The following MTA1 variants were observed in gnomAD, a reference collection of about 807,000 sequenced individuals.
MTA1 encodes metastasis associated 1, also known as metastasis-associated protein MTA1.
In MTA1, 15 loss-of-function variants were observed where a neutral mutation model predicts 97.0. The observed-to-expected ratio is 0.15, with a 90% CI of 0.10 to 0.24. The LOEUF (loss-of-function observed/expected upper bound fraction) is 0.24, where lower values mean the gene tolerates loss of function less well. MTA1 is among the 10% of genes least tolerant of loss of function. The pLI is 1.00. For synonymous variants in MTA1, 435 were observed against 417.5 expected (o/e 1.04, Z -0.51); for missense variants, 709 against 1,015.1 (o/e 0.70, Z 4.10).
chr14:105,442,523 C>T (rs1555426025), intron 2 of MTA1, among the ~76,000 whole-genome samples: 2 of 152,260 alleles, frequency 1.3e-5, no homozygotes, highest in Non-Finnish European at 2.9e-5. Flanking sequence ...CCATGAAAAA[C>T]TAGGCAAGTG....
At chr14:105,450,219 G>A (rs781958097) in intron 5 of MTA1, 35 bp downstream of exon 5, 3 of 1,611,042 alleles carry the variant, frequency 1.9e-6, no homozygotes, top group Non-Finnish European at 2.5e-6. Flanking sequence ...GGGCCCCTCG[G>A]GCTGCCCTCG....
intron 1 of MTA1, among the ~76,000 whole-genome samples, chr14:105,433,930 C>T (rs1350998196): frequency 2.0e-5 from 3 of 152,100 alleles, no homozygotes; most frequent in Non-Finnish European, 4.4e-5. Context: ...CAGGTTCAAG[C>T]GATTCCCCTG....
intron 1 of MTA1, among the ~76,000 whole-genome samples, chr14:105,430,080 T>C (rs2082135083): frequency 6.6e-6 from 1 of 152,190 alleles, no homozygotes; most frequent in African/African-American, 2.4e-5. Context: ...TTTCAGGAAC[T>C]TTTCCTCTGC....
intron 18 of MTA1, chr14:105,468,197 C>T (rs587725407): frequency 3.6e-5 from 31 of 849,918 alleles, no homozygotes; most frequent in East Asian, 6.4e-5. Context: ...GCCCACAGCA[C>T]GGGGCCCCAG....
At chr14:105,445,191 G>A (rs2082674213) in intron 2 of MTA1, among the ~76,000 whole-genome samples, 1 of 152,222 alleles carries the variant, frequency 6.6e-6, no homozygotes, top group Non-Finnish European at 1.5e-5. Context: ...GGAGACACAG[G>A]TTGAGGTTGG....
intron 2 of MTA1, among the ~76,000 whole-genome samples, chr14:105,440,724 T>G (rs587599326): frequency 6.6e-6 from 1 of 152,384 alleles, no homozygotes; most frequent in East Asian, 1.9e-4. Flanking sequence ...GGGGCACGAC[T>G]ACTCTCTTGG....
At chr14:105,453,552 G>A (rs980545516) in intron 6 of MTA1, among the ~76,000 whole-genome samples, 2 of 152,202 alleles carry the variant, frequency 1.3e-5, no homozygotes, top group South Asian at 4.1e-4. Context: ...GCTGACGCCA[G>A]TAATTCCAGC....
At chr14:105,466,624 G>A (rs782168059) in intron 17 of MTA1, 46 bp downstream of exon 17, 19 of 1,572,194 alleles carry the variant, frequency 1.2e-5, no homozygotes, top group Non-Finnish European at 1.6e-5. Context: ...CCCGCCCGGT[G>A]AGTCCGGCCC....
At chr14:105,434,218 T>C (rs1595292135) in intron 1 of MTA1, among the ~76,000 whole-genome samples, 1 of 152,304 alleles carries the variant, frequency 6.6e-6, no homozygotes, top group Non-Finnish European at 1.5e-5. Context: ...GCCTGGAGTA[T>C]TGACTATCTG....
chr14:105,465,000 C>A, intron 15 of MTA1, 94 bp from the exon 16 acceptor site: 3 of 1,421,680 alleles, frequency 2.1e-6, no homozygotes, highest in Non-Finnish European at 2.8e-6. Context: ...GCTGACATGG[C>A]CGAGCCCAGT....
At chr14:105,428,256 A>G (rs1405156453) in intron 1 of MTA1, among the ~76,000 whole-genome samples, 1 of 152,044 alleles carries the variant, frequency 6.6e-6, no homozygotes, top group Non-Finnish European at 1.5e-5. Flanking sequence ...ATGTGGTAGA[A>G]GTGGAATTGC....
At position 105,469,901 on chromosome 14, in the gene MTA1, CG is replaced by C; in HGVS notation, c.1913del (p.Gly638AlafsTer11). On this transcript the variant is annotated frameshift_variant, in exon 20 of 21. Coordinates refer to ENST00000331320, the MANE Select transcript of MTA1 (RefSeq NM_004689.4). LOFTEE classifies it high-confidence loss of function. The stretch of plus-strand genomic sequence containing the variant: ...CTACCCCACCAAAGTGCGCCTGATC[CG>C]GGGGGGCTCCCTGCCCCCAGTCAAG... ...KSYPTKVRLIRGGSLPPVKRR... is the reference protein window; with the variant it reads ...KSYPTKVRLIXGGSLPPVKRR... 1 of 1,611,478 alleles carries C rather than the reference CG, an allele frequency of 6.2e-7. No homozygotes were observed.
At chr14:105,429,337 G>C (rs987166622) in intron 1 of MTA1, among the ~76,000 whole-genome samples, 1 of 152,190 alleles carries the variant, frequency 6.6e-6, no homozygotes, top group Admixed American at 6.5e-5. Context: ...CCAGGCTGGA[G>C]TGCGGTGGCA....
intron 3 of MTA1, 120 bp downstream of exon 3, chr14:105,445,631 AACTC>A (rs1555426950): frequency 2.0e-6 from 2 of 1,006,434 alleles, no homozygotes; most frequent in Admixed American, 4.0e-5. Flanking sequence ...CCCTCTGCCC[AACTC>A]ACTCTGGCGT....
intron 1 of MTA1, among the ~76,000 whole-genome samples, chr14:105,435,694 C>T (rs587732374): frequency 2.2e-4 from 33 of 152,234 alleles, no homozygotes; most frequent in African/African-American, 6.7e-4. Context: ...GCCATCTGGG[C>T]GCAGAGTTCT....
intron 10 of MTA1, among the ~76,000 whole-genome samples, chr14:105,462,714 C>G (rs1014641449): frequency 2.6e-5 from 4 of 152,060 alleles, no homozygotes; most frequent in Non-Finnish European, 4.4e-5. Flanking sequence ...ACTAAAAATA[C>G]AAAAATTAGC....
chr14:105,453,979 C>T (rs1312655071), intron 6 of MTA1, among the ~76,000 whole-genome samples: 1 of 152,164 alleles, frequency 6.6e-6, no homozygotes, highest in East Asian at 1.9e-4. Context: ...GCAGGTGCAT[C>T]CCCCAGTGAC....
At position 105,460,697 on chromosome 14, in the gene MTA1, G is replaced by C. The variant is rs1595397359; in HGVS notation, c.754-68G>C. 3 of 1,453,672 alleles carry C rather than the reference G, an allele frequency of 2.1e-6. 1 individual carries two copies. Among genetic ancestry groups the C allele is most frequent in the Admixed American group, 2.4e-5 (1 of 41,350 alleles). 90.0% of individuals were successfully genotyped at this position (1,453,672 alleles called of 1,614,324 possible). A position where few individuals can be genotyped will look rare whatever the true frequency, so the allele number is the denominator to read the frequency against. Reference sequence around the variant, plus strand: ...GGGGATCCTTGAGGTACTGAGGGAGGGGGTACCGTGCCACAGGTGCAGGAA... The same window carrying C: ...GGGGATCCTTGAGGTACTGAGGGAGCGGGTACCGTGCCACAGGTGCAGGAA... On this transcript the variant is annotated intron_variant, in intron 9 of 20. Coordinates refer to ENST00000331320, the MANE Select transcript of MTA1 (RefSeq NM_004689.4).
Position 105,463,310 on chromosome 14 carries a change from G to A in MTA1, c.1017+52G>A, listed in dbSNP as rs782572440. ...GGGGTGTGCCGCCTCCCCGTCCTGC[G>A]CCCCATCCTCTCCCAGCAGGTGGGC... is the stretch of plus-strand genomic sequence containing the variant. On this transcript the variant is annotated intron_variant, in intron 11 of 20. Transcript: ENST00000331320. The surrounding 1 kb of genome is among the most constrained non-coding windows in gnomAD (Gnocchi z 5.9). The A allele has an allele frequency of 3.3e-5, 53 of 1,593,252 alleles. No homozygotes were observed. The highest frequency in any genetic ancestry group is 3.3e-4 in the Middle Eastern group (2 of 6,044).
Sources: allele counts gnomAD v4.1 joint callset (sites outside exome capture counted in the v4.1 genomes callset), GRCh38; gene constraint gnomAD v4.1.1; non-coding constraint Gnocchi (gnomAD v3.1); transcripts MANE v1.5; gene names NCBI Gene and HGNC (gene_info 2026-07-23, HGNC 2026-07-21).